The following SEPSECS variants were observed in gnomAD, a reference collection of about 807,000 sequenced individuals.
The protein encoded by SEPSECS is O-phosphoseryl-tRNA(Sec) selenium transferase.
Under a neutral mutation model 52.1 loss-of-function variants are expected in SEPSECS, and 42 were observed. That is an observed-to-expected ratio of 0.81 (90% CI 0.63 to 1.04). The LOEUF (loss-of-function observed/expected upper bound fraction) is 1.04, where lower values mean the gene tolerates loss of function less well. Among genes scored for constraint, SEPSECS ranks in the 50% least tolerant of loss-of-function variants. The pLI, the probability that SEPSECS is intolerant of heterozygous loss-of-function variation, is 0.00. For missense variants in SEPSECS, 590 were observed against 610.6 expected (o/e 0.97, Z 0.36); for synonymous variants, 216 against 211.4 (o/e 1.02, Z -0.19).
chr4:25,152,145 A>G, intron 5 of SEPSECS, 83 bp from the exon 6 acceptor site: 1 of 838,634 alleles, frequency 1.2e-6, no homozygotes, highest in Admixed American at 1.8e-5. Flanking sequence ...TAAAAATTTA[A>G]TAGTTATCCT....
At chr4:25,147,548 T>C (rs149748592) in intron 6 of SEPSECS, among the ~76,000 whole-genome samples, 23 of 152,352 alleles carry the variant, frequency 1.5e-4, no homozygotes, top group African/African-American at 5.3e-4. Context: ...TAATCAGTCT[T>C]ATATGCATAT....
intron 6 of SEPSECS, 89 bp from the exon 7 acceptor site, chr4:25,145,222 ATT>A (rs1455802389): frequency 2.8e-5 from 37 of 1,313,232 alleles, no homozygotes; most frequent in Non-Finnish European, 3.7e-5. Context: ...AATTATAACT[ATT>A]TGAGTTAATT....
Position 25,144,937 on chromosome 4 carries a change from A to G in SEPSECS, c.934+67T>C, listed in dbSNP as rs539228763. 4.4e-6 allele frequency: 7 copies of G among 1,598,890 alleles called. No individual in the cohort carries two copies. The South Asian group carries it at 5.5e-5, about 13-fold the overall frequency. The stretch of plus-strand genomic sequence containing the variant: ...GCTTTGGAAATTAAGATTTACTACA[A>G]TAGCCTATGTACAAATGGATTTTTG... On this transcript the variant is annotated intron_variant, in intron 7 of 10. Coordinates refer to ENST00000382103, the MANE Select transcript of SEPSECS (RefSeq NM_016955.4).
chr4:25,159,795 T>G, intron 1 of SEPSECS: 2 of 1,095,760 alleles, frequency 1.8e-6, no homozygotes, highest in Non-Finnish European at 2.2e-6. Context: ...ACAACAAAAC[T>G]TTTAATGAAA....
chr4:25,139,015 C>T lies in SEPSECS; in HGVS notation c.1026+5759G>A, dbSNP rs556739307. 9.5e-4 allele frequency among the ~76,000 whole-genome samples: 145 copies of T among 152,326 alleles called. 1 individual carries two copies. The highest frequency in any genetic ancestry group is 3.4e-3 in the African/African-American group (141 of 41,572). On this transcript the variant is annotated intron_variant, in intron 8 of 10. Transcript: ENST00000382103. Reference sequence around the variant, plus strand: ...AGCCATCAGTATTACCTTAGGACCACACCACGAATGTCAATGAATAAATGC... The same window carrying T: ...AGCCATCAGTATTACCTTAGGACCATACCACGAATGTCAATGAATAAATGC...
intron 8 of SEPSECS, among the ~76,000 whole-genome samples, chr4:25,129,638 G>T (rs1411708909): frequency 6.6e-6 from 1 of 151,768 alleles, no homozygotes; most frequent in Non-Finnish European, 1.5e-5. Flanking sequence ...TGATCCACCC[G>T]CCTCGGCCTC....
At chr4:25,131,221 A>C (rs931745797) in intron 8 of SEPSECS, among the ~76,000 whole-genome samples, 1 of 152,204 alleles carries the variant, frequency 6.6e-6, no homozygotes, top group African/African-American at 2.4e-5. Flanking sequence ...CCAGAATCCA[A>C]AGATGTGCAT....
In SEPSECS at chr4:25,123,942, C is replaced by T. The variant is rs1200608280; in HGVS notation, c.1495G>A (p.Ala499Thr). The change falls in exon 11 of 11, where the codon GCT becomes ACT. Residue 499 changes from alanine (A) to threonine (T), a missense_variant. By Grantham distance (58) the Ala-to-Thr change is moderately conservative. Coordinates refer to ENST00000382103, the MANE Select transcript of SEPSECS (RefSeq NM_016955.4). ...DNVLLDTYQD[A>T]SS Reference sequence around the variant, plus strand: ...AAACCCTTCGCATGTCATGAAGAAGCATCCTGGTATGTGTCAAGAAGTACA... The same window carrying T: ...AAACCCTTCGCATGTCATGAAGAAGTATCCTGGTATGTGTCAAGAAGTACA... The T allele has an allele frequency of 6.2e-7, 1 of 1,613,226 alleles. No individual in the cohort carries two copies. Among genetic ancestry groups the T allele is most frequent in the Non-Finnish European group, 8.5e-7 (1 of 1,179,268 alleles).
At chr4:25,132,915 A>G (rs1270624010) in intron 8 of SEPSECS, among the ~76,000 whole-genome samples, 2 of 152,180 alleles carry the variant, frequency 1.3e-5, no homozygotes, top group East Asian at 1.9e-4. Context: ...CTGGGTTTCA[A>G]TGGCAATTCT....
intron 3 of SEPSECS, 138 bp downstream of exon 3, chr4:25,156,707 CAAAAAAAAAAA>C (rs34542574): frequency 1.1e-3 from 254 of 229,554 alleles, no homozygotes; most frequent in African/African-American, 0.01. Flanking sequence ...GACTCCGTCT[CAAAAAAAAAAA>C]AAAAAAAAAA....
In SEPSECS at chr4:25,144,899, T is replaced by C. The variant is rs752000870; in HGVS notation, c.935-34A>G. ...AGAAGGATAAGTTACATTAAGACTG[T>C]GGTGGGGGGGTAGCTTTGGAAATTA... On this transcript the variant is annotated intron_variant, in intron 7 of 10. Transcript: ENST00000382103. 1.1e-5 allele frequency: 18 copies of C among 1,591,598 alleles called. No individual in the cohort carries two copies. In the South Asian group the frequency reaches 2.0e-4, roughly 18 times the overall value.
rs1728571506 is a variant in SEPSECS at position 25,130,644 on chromosome 4, A to G, written c.1027-3287T>C. On this transcript the variant is annotated intron_variant, in intron 8 of 10. Coordinates refer to ENST00000382103, the MANE Select transcript of SEPSECS (RefSeq NM_016955.4). ...TGTAAAGGGTTATAAGTAAACCAATAAGCAAATATGTTTTAAATATCTTAA... is the reference window on the plus strand; with the variant it reads ...TGTAAAGGGTTATAAGTAAACCAATGAGCAAATATGTTTTAAATATCTTAA... 2.6e-5 allele frequency among the ~76,000 whole-genome samples: 4 copies of G among 152,206 alleles called. No individual in the cohort carries two copies. In the South Asian group the frequency reaches 8.3e-4, roughly 31 times the overall value.
At chr4:25,124,300 G>C in intron 10 of SEPSECS, 75 bp from the exon 11 acceptor site, 1 of 1,390,702 alleles carries the variant, frequency 7.2e-7, no homozygotes, top group South Asian at 1.2e-5. Flanking sequence ...CAAAAGATAT[G>C]TGTTACAAAG....
At chr4:25,133,628 C>G (rs894936244) in intron 8 of SEPSECS, among the ~76,000 whole-genome samples, 4 of 152,118 alleles carry the variant, frequency 2.6e-5, no homozygotes, top group African/African-American at 7.2e-5. Context: ...AAAAAGATGA[C>G]AAAATCCCTA....
chr4:25,125,238 A>T (rs1308413548), intron 10 of SEPSECS: 1 of 159,878 alleles, frequency 6.3e-6, no homozygotes, highest in Non-Finnish European at 1.4e-5. Context: ...TGTATATAGA[A>T]GAGGAAAAAG....
intron 6 of SEPSECS, among the ~76,000 whole-genome samples, chr4:25,146,130 T>C (rs892196075): frequency 5.3e-5 from 8 of 152,222 alleles, no homozygotes; most frequent in Non-Finnish European, 1.2e-4. Flanking sequence ...AAATTACAAC[T>C]AACATAGTCT....
chr4:25,145,644 C>T (rs938284467), intron 6 of SEPSECS, among the ~76,000 whole-genome samples: 2 of 152,096 alleles, frequency 1.3e-5, no homozygotes, highest in African/African-American at 4.8e-5. Context: ...CATCTGTGCT[C>T]CTTTTTTTGA....
At chr4:25,134,346 G>GTGTGTGTGTC in intron 8 of SEPSECS, among the ~76,000 whole-genome samples, 1 of 150,828 alleles carries the variant, frequency 6.6e-6, no homozygotes, top group Admixed American at 6.6e-5. Flanking sequence ...GTGTGTGTGT[G>GTGTGTGTGTC]TGTGTGTATA....
At chr4:25,156,755 C>A in intron 3 of SEPSECS, 101 bp downstream of exon 3, 1 of 575,976 alleles carries the variant, frequency 1.7e-6, no homozygotes, top group Non-Finnish European at 3.3e-6. Flanking sequence ...TCAAAAGCCA[C>A]TCATACTCTT....
Sources: allele counts gnomAD v4.1 joint callset (sites outside exome capture counted in the v4.1 genomes callset), GRCh38; gene constraint gnomAD v4.1.1; transcripts MANE v1.5; gene names NCBI Gene and HGNC (gene_info 2026-07-23, HGNC 2026-07-21).